The following PHYHD1 variants were observed in gnomAD, a reference collection of about 807,000 sequenced individuals.
PHYHD1 encodes phytanoyl-CoA dioxygenase domain-containing protein 1.
A neutral mutation model predicts 43.6 loss-of-function variants in PHYHD1; 42 were observed. The observed-to-expected ratio is 0.96, with a 90% confidence interval of 0.75 to 1.25. PHYHD1 has a LOEUF of 1.25. PHYHD1 is among the 50% of genes most tolerant of loss of function. The probability of loss-of-function intolerance (pLI) is 0.00; values close to 1 mark genes in which losing one functional copy is unlikely to be tolerated. For synonymous variants in PHYHD1, 139 were observed against 143.6 expected, an observed-to-expected ratio of 0.97 and a Z score of 0.23; for missense variants, 342 against 370.8, an observed-to-expected ratio of 0.92 and a Z score of 0.64.
chr9:128,934,323 A>C (rs1486301442), intron 6 of PHYHD1, among the ~76,000 whole-genome samples: 2 of 151,366 alleles, frequency 1.3e-5, no homozygotes, highest in Non-Finnish European at 2.9e-5. Context: ...TGGGAGGCGG[A>C]TGTTGCAGTG....
rs12339795 is a variant in PHYHD1, at chr9:128,921,543, G to C, written c.-285G>C. 0.12 allele frequency: 17,884 copies of C among 152,272 alleles called. 3,254 individuals are homozygous for C. Among genetic ancestry groups the C allele is most frequent in the African/African-American group, 0.4 (16,401 of 41,428 alleles). The allele number at this position is 152,272 out of a possible 1,614,324, so 9.4% of individuals were successfully genotyped here. On this transcript the variant is annotated 5_prime_UTR_variant, in exon 1 of 13. Transcript: ENST00000372592. ...TCGATTTCCTGACCTCGTGATCCGC[G>C]CGCCTCTGCCTCCAAAGTGCTGGGA...
At position 128,941,945 on chromosome 9, in the gene PHYHD1, A is replaced by G; in HGVS notation, c.*232A>G. On this transcript the variant is annotated 3_prime_UTR_variant, in exon 13 of 13. Coordinates refer to ENST00000372592, the MANE Select transcript of PHYHD1 (RefSeq NM_001100876.2). ...CCTTGAGGAGGCTTCTCAGCCACCA[A>G]AGGGTTCTGGCCCCTTCTCACTCTC... The G allele has an allele frequency of 1.7e-6, 1 of 601,916 alleles. No homozygotes were observed. 37.3% of individuals were successfully genotyped at this position (601,916 alleles called of 1,614,324 possible).
At chr9:128,936,736 T>G in intron 8 of PHYHD1, 91 bp downstream of exon 8, 1 of 1,369,614 alleles carries the variant, frequency 7.3e-7, no homozygotes, top group Non-Finnish European at 1.0e-6. Context: ...CAAAAGTTGC[T>G]GGAATTATTA....
chr9:128,932,180 TATTA>T (rs1410263893), intron 4 of PHYHD1, among the ~76,000 whole-genome samples: 11 of 130,228 alleles, frequency 8.4e-5, no homozygotes, highest in East Asian at 2.1e-4. Flanking sequence ...TTATTATTAT[TATTA>T]TTTTTTTTTT....
chr9:128,941,852 C>G lies in PHYHD1; in HGVS notation c.*139C>G. The G allele has an allele frequency of 6.7e-6, 8 of 1,193,918 alleles. No homozygotes were observed. Among genetic ancestry groups the G allele is most frequent in the Non-Finnish European group, 9.6e-6 (8 of 836,426 alleles). 74.0% of individuals were successfully genotyped at this position (1,193,918 alleles called of 1,614,324 possible). A position where few individuals can be genotyped will look rare whatever the true frequency, so the allele number is the denominator to read the frequency against. On this transcript the variant is annotated 3_prime_UTR_variant, in exon 13 of 13. Transcript: ENST00000372592. ...GGCTTTCCTCCTGCCCTGTGGGCAG[C>G]AGCCTAGGCTGGGTCAGGGGCTTCC...
intron 4 of PHYHD1, among the ~76,000 whole-genome samples, chr9:128,932,124 C>T (rs1045818836): frequency 6.6e-5 from 10 of 151,072 alleles, no homozygotes; most frequent in East Asian, 3.9e-4. Flanking sequence ...CATGAGCCAC[C>T]GCACCCGGCC....
At chr9:128,927,412 G>C (rs1436809281) in intron 4 of PHYHD1, among the ~76,000 whole-genome samples, 2 of 150,750 alleles carry the variant, frequency 1.3e-5, no homozygotes, top group African/African-American at 4.9e-5. Context: ...ATCTCACTCT[G>C]TTGCTCAGTC....
intron 8 of PHYHD1, 100 bp from the exon 9 acceptor site, chr9:128,937,657 A>T: frequency 7.2e-7 from 1 of 1,393,392 alleles, no homozygotes; most frequent in Non-Finnish European, 1.0e-6. Flanking sequence ...CCTGAGAGGA[A>T]AATGCCTGTG....
chr9:128,933,086 C>G (rs1199588992), intron 4 of PHYHD1, among the ~76,000 whole-genome samples: 3 of 147,204 alleles, frequency 2.0e-5, no homozygotes, highest in Non-Finnish European at 4.5e-5. Context: ...CTCCTGACCT[C>G]GTGATCCGCC....
At chr9:128,927,314 C>T (rs1841162195) in intron 4 of PHYHD1, 118 bp downstream of exon 4, 1 of 1,212,476 alleles carries the variant, frequency 8.2e-7, no homozygotes, top group African/African-American at 1.5e-5. Context: ...GGCCAAGCCC[C>T]TTACACACCT....
In PHYHD1 at chr9:128,934,008, C is replaced by T. The variant is rs201032491; in HGVS notation, c.269-3C>T. ...CTGCCTTTATCTGTTCTTTGTGCCA[C>T]AGGAAATTTCCTGGTCCCTCCGGAG... On this transcript the variant is annotated splice_polypyrimidine_tract_variant and splice_region_variant and intron_variant, in intron 5 of 12. Transcript: ENST00000372592. 3.7e-6 allele frequency: 6 copies of T among 1,613,910 alleles called. No individual in the cohort carries two copies. The highest frequency in any genetic ancestry group is 5.1e-6 in the Non-Finnish European group (6 of 1,179,914).
intron 4 of PHYHD1, 128 bp downstream of exon 4, chr9:128,927,324 T>C (rs1384503108): frequency 3.7e-6 from 4 of 1,077,334 alleles, no homozygotes; most frequent in African/African-American, 1.6e-5. Context: ...CTTACACACC[T>C]TTCCCTCGCT....
intron 3 of PHYHD1, chr9:128,926,776 C>G: frequency 7.8e-6 from 4 of 513,190 alleles, no homozygotes; most frequent in Non-Finnish European, 1.5e-5. Flanking sequence ...AACTCATGAC[C>G]TCAAGTTATT....
At chr9:128,924,236 G>A (rs183697241) in intron 3 of PHYHD1, among the ~76,000 whole-genome samples, 13 of 152,098 alleles carry the variant, frequency 8.5e-5, no homozygotes, top group Admixed American at 3.3e-4. Flanking sequence ...CTAACATGGT[G>A]AAACCCCGTC....
At position 128,922,060 on chromosome 9, in the gene PHYHD1, G is replaced by T. The variant is rs985253301; in HGVS notation, c.-42+13G>T. ...TTCCCGGCACCTGGTAAGCAGTGGT[G>T]GGGGGTGGTTTCCAGAAGAAACACA... On this transcript the variant is annotated intron_variant, in intron 2 of 12. Coordinates refer to ENST00000372592, the MANE Select transcript of PHYHD1 (RefSeq NM_001100876.2). 5.9e-6 allele frequency: 3 copies of T among 507,404 alleles called. No homozygotes were observed. The highest frequency in any genetic ancestry group is 1.1e-5 in the Non-Finnish European group (3 of 284,594). The allele number at this position is 507,404 out of a possible 1,614,324, so 31.4% of individuals were successfully genotyped here.
intron 8 of PHYHD1, among the ~76,000 whole-genome samples, chr9:128,937,269 A>G (rs1185683974): frequency 6.6e-6 from 1 of 152,080 alleles, no homozygotes; most frequent in Non-Finnish European, 1.5e-5. Context: ...AAGAAAAAAA[A>G]AAAGAAAAAA....
chr9:128,941,847 G>T lies in PHYHD1; in HGVS notation c.*134G>T. 2 of 1,256,938 alleles carry T rather than the reference G, an allele frequency of 1.6e-6. No individual in the cohort carries two copies. The highest frequency in any genetic ancestry group is 1.1e-6 in the Non-Finnish European group (1 of 888,254). 77.9% of individuals were successfully genotyped at this position (1,256,938 alleles called of 1,614,324 possible). A position where few individuals can be genotyped will look rare whatever the true frequency, so the allele number is the denominator to read the frequency against. On this transcript the variant is annotated 3_prime_UTR_variant, in exon 13 of 13. Coordinates refer to ENST00000372592, the MANE Select transcript of PHYHD1 (RefSeq NM_001100876.2). ...TCCTGGGCTTTCCTCCTGCCCTGTG[G>T]GCAGCAGCCTAGGCTGGGTCAGGGG...
intron 4 of PHYHD1, among the ~76,000 whole-genome samples, chr9:128,933,551 T>C (rs1234013981): frequency 6.6e-6 from 1 of 152,188 alleles, no homozygotes; most frequent in Non-Finnish European, 1.5e-5. Flanking sequence ...ATGTTCTGAA[T>C]CACAGTATAG....
intron 2 of PHYHD1, 69 bp from the exon 3 acceptor site, chr9:128,922,214 G>A (rs1841014448): frequency 7.3e-7 from 1 of 1,370,810 alleles, no homozygotes; most frequent in Admixed American, 2.2e-5. Flanking sequence ...TGGGTGGTGG[G>A]ACCGGGTTTT....
Sources: gnomAD v4.1 joint callset for allele counts (sites outside exome capture counted in the v4.1 genomes callset) on GRCh38, gnomAD v4.1.1 for gene constraint, MANE v1.5 for transcripts, NCBI Gene and HGNC (gene_info 2026-07-23, HGNC 2026-07-21) for gene names.